Variants in PCGF5 observed in about 807,000 individuals in gnomAD.
PCGF5 encodes the protein polycomb group RING finger protein 5.
Under a neutral mutation model 44.3 loss-of-function variants are expected in PCGF5, and 9 were observed. The ratio of observed to expected loss-of-function variants is 0.20; its 90% CI spans 0.12 to 0.35. The LOEUF is 0.35. Among genes scored for constraint, PCGF5 ranks in the 10% least tolerant of loss-of-function variants. PCGF5 has a pLI of 1.00. For missense variants in PCGF5, 146 were observed against 305.3 expected, an observed-to-expected ratio of 0.48 and a Z score of 3.89; for synonymous variants, 95 against 102.5, an observed-to-expected ratio of 0.93 and a Z score of 0.44.
At chr10:91,190,131 G>A (rs1564629254) in intron 1 of PCGF5, among the ~76,000 whole-genome samples, 1 of 152,184 alleles carries the variant, frequency 6.6e-6, no homozygotes, top group Non-Finnish European at 1.5e-5. Flanking sequence ...CTCTGGTGAG[G>A]ACCCACTTCC....
At chr10:91,160,761 G>A (rs1187841904), upstream of PCGF5, among the ~76,000 whole-genome samples, 1 of 152,218 alleles carries the variant, frequency 6.6e-6, no homozygotes, top group Non-Finnish European at 1.5e-5. Context: ...GGATAGAACG[G>A]TAATGGAAGC....
At chr10:91,161,783 T>A (rs533902036), upstream of PCGF5, among the ~76,000 whole-genome samples, 10 of 152,294 alleles carry the variant, frequency 6.6e-5, no homozygotes, top group African/African-American at 2.4e-4. Flanking sequence ...TGATAAAGAC[T>A]CCTGAACTTT....
intron 1 of PCGF5, among the ~76,000 whole-genome samples, chr10:91,191,450 T>C (rs200419072): frequency 6.6e-6 from 1 of 152,208 alleles, no homozygotes; most frequent in Non-Finnish European, 1.5e-5. Flanking sequence ...TTAAAACTTA[T>C]GAATTGTTTA....
intron 8 of PCGF5, among the ~76,000 whole-genome samples, chr10:91,267,293 T>G (rs1554851897): frequency 6.6e-6 from 1 of 152,124 alleles, no homozygotes; most frequent in Non-Finnish European, 1.5e-5. Flanking sequence ...TACAACCCCC[T>G]CTCCCGATGG....
intron 6 of PCGF5, among the ~76,000 whole-genome samples, chr10:91,253,723 T>G (rs1845677591): frequency 6.6e-6 from 1 of 152,092 alleles, no homozygotes; most frequent in Non-Finnish European, 1.5e-5. Flanking sequence ...AAGTGTTTTC[T>G]GTACCCTTAA....
At chr10:91,163,015 A>ACG (rs1564621717) in exon 1 of PCGF5, 2 of 143,110 alleles carry the variant, frequency 1.4e-5, no homozygotes, top group South Asian at 4.3e-4. Flanking sequence ...CTACCGCCCC[A>ACG]CGCGCGCGCG....
intron 1 of PCGF5, among the ~76,000 whole-genome samples, chr10:91,206,088 C>T (rs1844343507): frequency 6.6e-6 from 1 of 152,150 alleles, no homozygotes; most frequent in East Asian, 1.9e-4. Flanking sequence ...AACAGCCTAA[C>T]AATAAATTGG....
At chr10:91,239,239 C>A (rs1202820407) in intron 2 of PCGF5, among the ~76,000 whole-genome samples, 3 of 152,076 alleles carry the variant, frequency 2.0e-5, no homozygotes, top group Non-Finnish European at 2.9e-5. Context: ...TTTGTTGGCC[C>A]CTGCATCCCC....
chr10:91,266,845 A>G (rs947947034), intron 8 of PCGF5, among the ~76,000 whole-genome samples: 3 of 152,120 alleles, frequency 2.0e-5, no homozygotes, highest in African/African-American at 7.2e-5. Context: ...GAATCCAGCT[A>G]TGTCTCACTA....
rs1044358650 is a variant in PCGF5, at chr10:91,281,225, A to G, written c.*2909A>G. On this transcript the variant is annotated 3_prime_UTR_variant, in exon 10 of 10. Coordinates refer to ENST00000336126, the MANE Select transcript of PCGF5 (RefSeq NM_032373.5). ...GTAATACTCAGTCTGGAGTACAGGTAACTTGGGTAATGCCTTTTAACTACT... is the reference window on the plus strand; with the variant it reads ...GTAATACTCAGTCTGGAGTACAGGTGACTTGGGTAATGCCTTTTAACTACT... 3 of 152,548 alleles carry G rather than the reference A, an allele frequency of 2.0e-5. No homozygotes were observed. In the East Asian group the frequency reaches 5.8e-4, roughly 29 times the overall value. 9.4% of individuals were successfully genotyped at this position (152,548 alleles called of 1,614,324 possible).
chr10:91,160,637 T>TG (rs556222019), upstream of PCGF5, among the ~76,000 whole-genome samples: 1,079 of 151,346 alleles, frequency 7.1e-3, 13 homozygotes, highest in African/African-American at 0.024. Flanking sequence ...GAAGAGACTC[T>TG]GGGGGGGAAA....
intron 3 of PCGF5, among the ~76,000 whole-genome samples, chr10:91,246,099 C>G (rs1845454619): frequency 6.6e-6 from 1 of 152,208 alleles, no homozygotes; most frequent in Admixed American, 6.5e-5. Flanking sequence ...GATTTAATGA[C>G]TGACCATAGA....
chr10:91,240,635 T>A lies in PCGF5; in HGVS notation c.209+55T>A, dbSNP rs764509729. 2.7e-6 allele frequency: 3 copies of A among 1,111,454 alleles called. No homozygotes were observed. In the Middle Eastern group the frequency reaches 7.9e-4, roughly 293 times the overall value. The allele number at this position is 1,111,454 out of a possible 1,614,324, so 68.8% of individuals were successfully genotyped here. On this transcript the variant is annotated intron_variant, in intron 3 of 9. Coordinates refer to ENST00000336126, the MANE Select transcript of PCGF5 (RefSeq NM_032373.5). ...AATTTACATAAATTGAATAGGCTCT[T>A]AATTTTTATTGTATGTCATAATATT...
At chr10:91,259,015 C>T (rs7090340) in intron 6 of PCGF5, among the ~76,000 whole-genome samples, 19,036 of 152,014 alleles carry the variant, frequency 0.13, 2,193 homozygotes, top group African/African-American at 0.3. Flanking sequence ...ATTCTGATAA[C>T]TTTTGAGGTT....
At chr10:91,198,559 A>G (rs778752124) in intron 1 of PCGF5, among the ~76,000 whole-genome samples, 4 of 152,190 alleles carry the variant, frequency 2.6e-5, no homozygotes, top group African/African-American at 4.8e-5. Flanking sequence ...GCAAAGCAGC[A>G]TCACTGGCTT....
intron 8 of PCGF5, among the ~76,000 whole-genome samples, chr10:91,266,064 G>C (rs182875989): frequency 5.9e-5 from 9 of 152,272 alleles, no homozygotes. Context: ...CAACCAAAAT[G>C]TTCCAGGTAC....
chr10:91,160,692 G>A (rs1274729996), upstream of PCGF5, among the ~76,000 whole-genome samples: 1 of 152,076 alleles, frequency 6.6e-6, no homozygotes, highest in Non-Finnish European at 1.5e-5. Context: ...AAAAACGAGA[G>A]CCAGAGTACA....
At chr10:91,225,632 G>A (rs1844811261) in intron 2 of PCGF5, among the ~76,000 whole-genome samples, 1 of 151,750 alleles carries the variant, frequency 6.6e-6, no homozygotes, top group Admixed American at 6.6e-5. Context: ...TTGTTTGTTT[G>A]TATTTATATT....
At chr10:91,181,570 G>T (rs1345407883) in intron 1 of PCGF5, among the ~76,000 whole-genome samples, 1 of 152,290 alleles carries the variant, frequency 6.6e-6, no homozygotes, top group East Asian at 1.9e-4. Flanking sequence ...AAACATGAAT[G>T]GATGTTGAAT....
Sources: allele counts gnomAD v4.1 joint callset (sites outside exome capture counted in the v4.1 genomes callset), GRCh38; gene constraint gnomAD v4.1.1; transcripts MANE v1.5; gene names NCBI Gene and HGNC (gene_info 2026-07-23, HGNC 2026-07-21).